Variants in DOCK4 observed in about 807,000 individuals in gnomAD.
DOCK4 encodes dedicator of cytokinesis protein 4.
Under a neutral mutation model 268.1 loss-of-function variants are expected in DOCK4, and 97 were observed. The observed-to-expected ratio is 0.36, with a 90% CI of 0.31 to 0.43. The LOEUF is 0.43. Among genes scored for constraint, DOCK4 ranks in the 20% least tolerant of loss-of-function variants. The probability of loss-of-function intolerance (pLI) is 1.00; values close to 1 mark genes in which losing one functional copy is unlikely to be tolerated. For synonymous variants in DOCK4, 954 were observed against 887.2 expected, an observed-to-expected ratio of 1.08 and a Z score of -1.34; for missense variants, 2,145 against 2,455.7, an observed-to-expected ratio of 0.87 and a Z score of 2.67.
intron 1 of DOCK4, among the ~76,000 whole-genome samples, chr7:112,008,343 T>C (rs1049937397): frequency 6.6e-6 from 1 of 152,200 alleles, no homozygotes; most frequent in South Asian, 2.1e-4. Flanking sequence ...AAAATATCTG[T>C]CAGCTGAAAA....
chr7:111,829,267 A>G (rs1358374661), intron 26 of DOCK4, among the ~76,000 whole-genome samples: 1 of 152,184 alleles, frequency 6.6e-6, no homozygotes, highest in African/African-American at 2.4e-5. Context: ...ATATAATTTG[A>G]TAGGAAAGAT....
intron 35 of DOCK4, among the ~76,000 whole-genome samples, chr7:111,780,650 T>C (rs548627143): frequency 6.6e-6 from 1 of 152,358 alleles, no homozygotes; most frequent in East Asian, 1.9e-4. Context: ...CAAATATTAC[T>C]TTTTTAAAAC....
At position 111,945,039 on chromosome 7, in the gene DOCK4, A is replaced by G. The variant is rs1040675915; in HGVS notation, c.784-168T>C. Among the ~76,000 whole-genome samples, 13 of 152,362 alleles carry G rather than the reference A, an allele frequency of 8.5e-5. No individual in the cohort carries two copies. In the East Asian group the frequency reaches 2.3e-3, roughly 27 times the overall value. ...AATCCTGTTCTAAAAATATCATTAC[A>G]ATCAACCTTAGGTCAATTGATACCA... On this transcript the variant is annotated intron_variant, in intron 9 of 52. Coordinates refer to ENST00000428084, the MANE Select transcript of DOCK4 (RefSeq NM_001363540.2).
chr7:111,891,183 C>G (rs1033170680), intron 16 of DOCK4, among the ~76,000 whole-genome samples: 1 of 109,720 alleles, frequency 9.1e-6, no homozygotes, highest in Non-Finnish European at 1.7e-5. Flanking sequence ...TTTGTTTGGT[C>G]AAAATGAAAA....
Position 112,082,102 on chromosome 7 carries a change from G to C in DOCK4, c.38-77971C>G, listed in dbSNP as rs150546787. Among the ~76,000 whole-genome samples, 27 of 152,280 alleles carry C rather than the reference G, an allele frequency of 1.8e-4. No homozygotes were observed. In the East Asian group the frequency reaches 3.9e-3, roughly 22 times the overall value. ...ATGTAGAGTTCTTAGCTCCGCACCT[G>C]TCATGGAATAGACACATAGTAAATG... On this transcript the variant is annotated intron_variant, in intron 1 of 52. Coordinates refer to ENST00000428084, the MANE Select transcript of DOCK4 (RefSeq NM_001363540.2).
intron 13 of DOCK4, among the ~76,000 whole-genome samples, chr7:111,915,417 A>T (rs549366370): frequency 6.6e-6 from 1 of 152,206 alleles, no homozygotes; most frequent in African/African-American, 2.4e-5. Context: ...CTTCACCAAC[A>T]TTTTCCATCA....
intron 1 of DOCK4, among the ~76,000 whole-genome samples, chr7:112,190,675 C>CA (rs562780962): frequency 0.11 from 14,658 of 137,856 alleles, 819 homozygotes; most frequent in Admixed American, 0.17. Context: ...ACTGCAAAAA[C>CA]AAAAAAAAAA....
rs544658160 is a variant in DOCK4 at position 111,895,815 on chromosome 7, A to G, written c.1481-97T>C. ...TCATCGAGAAATATAACTCATACAC[A>G]ACAGTTCCCACTACACAATGCAGCA... On this transcript the variant is annotated intron_variant, in intron 15 of 52. Transcript: ENST00000428084. 1.2e-4 allele frequency: 132 copies of G among 1,116,924 alleles called. No homozygotes were observed. In the South Asian group the frequency reaches 1.7e-3, roughly 14 times the overall value. The allele number at this position is 1,116,924 out of a possible 1,614,324, so 69.2% of individuals were successfully genotyped here.
At chr7:112,197,947 C>G (rs7782273) in intron 1 of DOCK4, among the ~76,000 whole-genome samples, 1 of 132,792 alleles carries the variant, frequency 7.5e-6, no homozygotes, top group African/African-American at 2.8e-5. Context: ...AAATCTTCAT[C>G]TTACATAAGC....
intron 1 of DOCK4, among the ~76,000 whole-genome samples, chr7:112,041,448 G>A (rs1190874676): frequency 1.3e-5 from 2 of 152,156 alleles, no homozygotes; most frequent in African/African-American, 4.8e-5. Flanking sequence ...AATTTCAGAT[G>A]AAGGTTGGTG....
rs1799702023 is a variant in DOCK4 at position 111,993,595 on chromosome 7, A to G, written c.315+540T>C. Among the ~76,000 whole-genome samples the G allele has an allele frequency of 4.6e-5, 7 of 152,222 alleles. No individual in the cohort carries two copies. In the South Asian group the frequency reaches 1.2e-3, roughly 27 times the overall value. On this transcript the variant is annotated intron_variant, in intron 5 of 52. Coordinates refer to ENST00000428084, the MANE Select transcript of DOCK4 (RefSeq NM_001363540.2). ...GAAGATACTGCATCAAAGAGTACTTACCATGGGATTTGCCACATAAGTTCC... is the reference window on the plus strand; with the variant it reads ...GAAGATACTGCATCAAAGAGTACTTGCCATGGGATTTGCCACATAAGTTCC...
chr7:111,979,190 T>A (rs1262651238), intron 7 of DOCK4, among the ~76,000 whole-genome samples: 1 of 152,226 alleles, frequency 6.6e-6, no homozygotes, highest in African/African-American at 2.4e-5. Flanking sequence ...CTAGAATTTT[T>A]TCGTGCTTAG....
At chr7:111,922,603 A>T (rs1054262560) in intron 12 of DOCK4, among the ~76,000 whole-genome samples, 1 of 151,364 alleles carries the variant, frequency 6.6e-6, no homozygotes, top group Non-Finnish European at 1.5e-5. Context: ...TTTTTTTCAG[A>T]TGGAGTCTTA....
intron 1 of DOCK4, among the ~76,000 whole-genome samples, chr7:112,188,414 G>C (rs1179786504): frequency 1.3e-5 from 2 of 152,206 alleles, no homozygotes; most frequent in Non-Finnish European, 2.9e-5. Context: ...CTTTGCCTGA[G>C]TTCATACAGT....
intron 1 of DOCK4, among the ~76,000 whole-genome samples, chr7:112,129,416 C>A (rs2116068648): frequency 6.6e-6 from 1 of 152,228 alleles, no homozygotes; most frequent in East Asian, 1.9e-4. Context: ...AAGGGAAGAT[C>A]TTTTGTTTGA....
intron 8 of DOCK4, among the ~76,000 whole-genome samples, chr7:111,951,581 G>A (rs1412079485): frequency 6.6e-6 from 1 of 150,686 alleles, no homozygotes; most frequent in Non-Finnish European, 1.5e-5. Context: ...GCTGAAGTGG[G>A]AGGATCACTT....
At chr7:112,140,708 T>C (rs1488099451) in intron 1 of DOCK4, among the ~76,000 whole-genome samples, 1 of 151,872 alleles carries the variant, frequency 6.6e-6, no homozygotes, top group Non-Finnish European at 1.5e-5. Flanking sequence ...TTTTTTTTCC[T>C]TGCCTTTCAG....
At chr7:111,949,762 A>G (rs897560513) in intron 8 of DOCK4, among the ~76,000 whole-genome samples, 3 of 152,206 alleles carry the variant, frequency 2.0e-5, no homozygotes, top group East Asian at 1.9e-4. Context: ...TACAGCCACT[A>G]ATCACTCAGC....
At chr7:112,191,120 C>T (rs865960412) in intron 1 of DOCK4, among the ~76,000 whole-genome samples, 1 of 152,168 alleles carries the variant, frequency 6.6e-6, no homozygotes, top group Non-Finnish European at 1.5e-5. Context: ...CATTATGTTG[C>T]CCAGGCTAGA....
Sources: gnomAD v4.1 joint callset for allele counts (sites outside exome capture counted in the v4.1 genomes callset) on GRCh38, gnomAD v4.1.1 for gene constraint, MANE v1.5 for transcripts, NCBI Gene and HGNC (gene_info 2026-07-23, HGNC 2026-07-21) for gene names.